Variants in KIZ observed in about 807,000 individuals in gnomAD.
The protein encoded by KIZ is centrosomal protein kizuna.
A neutral mutation model predicts 79.6 loss-of-function variants in KIZ; 68 were observed. The ratio of observed to expected loss-of-function variants is 0.85; its 90% CI spans 0.70 to 1.05. The LOEUF (loss-of-function observed/expected upper bound fraction) is 1.05. KIZ is among the 50% of genes least tolerant of loss of function. KIZ has a pLI of 0.00. For missense variants in KIZ, 797 were observed against 800.4 expected (o/e 1.00, Z 0.05); for synonymous variants, 280 against 281.8 (o/e 0.99, Z 0.06).
intron 4 of KIZ, among the ~76,000 whole-genome samples, chr20:21,148,367 A>G (rs2032954569): frequency 6.6e-6 from 1 of 152,204 alleles, no homozygotes; most frequent in East Asian, 1.9e-4. Context: ...GTTTTGGTGT[A>G]GGACATCTAT....
At chr20:21,197,448 A>G (rs1230945511) in intron 6 of KIZ, 3 of 152,246 alleles carry the variant, frequency 2.0e-5, no homozygotes, top group African/African-American at 7.2e-5. Flanking sequence ...GTGACAATTT[A>G]AGTAAATTTC....
At chr20:21,175,180 A>G (rs557228326) in intron 6 of KIZ, among the ~76,000 whole-genome samples, 13 of 152,358 alleles carry the variant, frequency 8.5e-5, no homozygotes, top group African/African-American at 3.1e-4. Context: ...TGTGGCCGTC[A>G]GGGTATTCCC....
intron 7 of KIZ, among the ~76,000 whole-genome samples, chr20:21,206,363 G>T (rs1405267636): frequency 6.6e-6 from 1 of 152,168 alleles, no homozygotes; most frequent in Non-Finnish European, 1.5e-5. Flanking sequence ...AGGAAAGAGA[G>T]CCAAGCCAAG....
intron 6 of KIZ, among the ~76,000 whole-genome samples, chr20:21,200,492 C>G (rs1302191597): frequency 1.3e-5 from 2 of 151,666 alleles, no homozygotes; most frequent in African/African-American, 2.4e-5. Context: ...AGCTTGTTTT[C>G]CTGCAACTAG....
intron 6 of KIZ, among the ~76,000 whole-genome samples, chr20:21,172,243 G>A (rs2034240415): frequency 6.6e-6 from 1 of 152,084 alleles, no homozygotes; most frequent in Non-Finnish European, 1.5e-5. Context: ...TTGCTTTATG[G>A]TACTTATGAT....
intron 7 of KIZ, among the ~76,000 whole-genome samples, chr20:21,209,988 T>G (rs1177712672): frequency 6.6e-6 from 1 of 152,204 alleles, no homozygotes; most frequent in Non-Finnish European, 1.5e-5. Context: ...CTGGCCATTT[T>G]CCTACTATTC....
intron 8 of KIZ, among the ~76,000 whole-genome samples, chr20:21,215,139 AT>A (rs1442687086): frequency 6.6e-6 from 1 of 152,376 alleles, no homozygotes; most frequent in African/African-American, 2.4e-5. Flanking sequence ...GAATCAATGA[AT>A]TTATGCTCCC....
chr20:21,204,819 G>T (rs1459872399), intron 6 of KIZ, among the ~76,000 whole-genome samples: 4 of 152,164 alleles, frequency 2.6e-5, no homozygotes, highest in East Asian at 3.8e-4. Context: ...TTAAAAAACT[G>T]TAAGTAGACC....
intron 6 of KIZ, chr20:21,166,456 A>G: frequency 6.3e-7 from 1 of 1,584,602 alleles, no homozygotes; most frequent in Non-Finnish European, 8.6e-7. Flanking sequence ...CAAATTCGCC[A>G]GTGTAACCAT....
intron 6 of KIZ, among the ~76,000 whole-genome samples, chr20:21,203,403 G>A (rs2035674048): frequency 6.6e-6 from 1 of 152,190 alleles, no homozygotes; most frequent in South Asian, 2.1e-4. Flanking sequence ...CATGGGTGGT[G>A]CTGATATTTA....
At chr20:21,140,433 G>A (rs1315529038) in intron 3 of KIZ, among the ~76,000 whole-genome samples, 1 of 152,160 alleles carries the variant, frequency 6.6e-6, no homozygotes, top group Non-Finnish European at 1.5e-5. Context: ...GATACCAAGT[G>A]ACTTTCTCCC....
At chr20:21,126,931 G>T (rs1157576410) in intron 1 of KIZ, among the ~76,000 whole-genome samples, 1 of 152,192 alleles carries the variant, frequency 6.6e-6, no homozygotes, top group Non-Finnish European at 1.5e-5. Context: ...AAGTTAATTG[G>T]AGTTGTAACT....
chr20:21,182,302 C>A (rs889040961), intron 6 of KIZ, among the ~76,000 whole-genome samples: 2 of 152,188 alleles, frequency 1.3e-5, no homozygotes, highest in African/African-American at 4.8e-5. Context: ...AGGACCCCAT[C>A]TAGACACCAC....
chr20:21,212,504 C>G (rs768819848), intron 7 of KIZ, among the ~76,000 whole-genome samples: 5 of 152,176 alleles, frequency 3.3e-5, no homozygotes, highest in African/African-American at 1.2e-4. Context: ...TGTAAGTGTT[C>G]TGAGCAGTTT....
In KIZ at chr20:21,163,078, C is replaced by T. The variant is rs1311123456; in HGVS notation, c.1271C>T (p.Ser424Phe). ...IHAEQERVALSTEKNCILQTL... is the reference protein window; with the variant it reads ...IHAEQERVALFTEKNCILQTL... The stretch of plus-strand genomic sequence containing the variant: ...GCTGAGCAAGAAAGAGTTGCCCTAT[C>T]CACTGAAAAAAATTGTATTTTGCAA... Residue 424 changes from serine (S) to phenylalanine (F), a missense_variant, in exon 6 of 13, where the codon TCC becomes TTC. Coordinates refer to ENST00000619189, the MANE Select transcript of KIZ (RefSeq NM_018474.6). 1 of 1,613,474 alleles carries T rather than the reference C, an allele frequency of 6.2e-7. No individual in the cohort carries two copies. Among genetic ancestry groups the T allele is most frequent in the South Asian group, 1.1e-5 (1 of 91,080 alleles).
chr20:21,217,013 C>A (rs796922399), intron 9 of KIZ, among the ~76,000 whole-genome samples: 19 of 152,256 alleles, frequency 1.2e-4, no homozygotes, highest in African/African-American at 4.1e-4. Context: ...TGGCTAGAAG[C>A]AACTTGGGCT....
chr20:21,241,611 G>A (rs1029074689), intron 11 of KIZ, among the ~76,000 whole-genome samples: 2 of 152,228 alleles, frequency 1.3e-5, no homozygotes, highest in African/African-American at 4.8e-5. Flanking sequence ...AAGCTACACT[G>A]TGTAACCACA....
intron 3 of KIZ, among the ~76,000 whole-genome samples, chr20:21,136,760 TG>T (rs1035264916): frequency 7.2e-5 from 11 of 152,172 alleles, no homozygotes; most frequent in Non-Finnish European, 1.3e-4. Flanking sequence ...GGATTACAGA[TG>T]CACACCCCAG....
intron 7 of KIZ, among the ~76,000 whole-genome samples, chr20:21,214,265 T>A (rs2036193056): frequency 6.6e-6 from 1 of 152,110 alleles, no homozygotes; most frequent in Non-Finnish European, 1.5e-5. Context: ...ATATACATAC[T>A]TAACAAGCAG....
Sources: gnomAD v4.1 joint callset for allele counts (sites outside exome capture counted in the v4.1 genomes callset) on GRCh38, gnomAD v4.1.1 for gene constraint, MANE v1.5 for transcripts, NCBI Gene and HGNC (gene_info 2026-07-23, HGNC 2026-07-21) for gene names.